Variants in WDFY4 observed in about 807,000 individuals in gnomAD.
WDFY4 encodes WD repeat- and FYVE domain-containing protein 4.
WDFY4 carries 169 observed loss-of-function variants against 351.9 expected under a neutral mutation model. That is an observed-to-expected ratio of 0.48 (90% CI 0.42 to 0.55). The LOEUF is 0.55. Ranked by LOEUF, WDFY4 falls within the 20% of genes least tolerant of loss-of-function variation. The pLI is 0.00. For synonymous variants in WDFY4, 1,622 were observed against 1,574.6 expected (o/e 1.03, Z -0.71); for missense variants, 3,803 against 3,935.6 (o/e 0.97, Z 0.90).
At chr10:48,938,670 C>A (rs1452663528) in intron 47 of WDFY4, among the ~76,000 whole-genome samples, 1 of 152,156 alleles carries the variant, frequency 6.6e-6, no homozygotes, top group Non-Finnish European at 1.5e-5. Flanking sequence ...GTAGGGAAGG[C>A]CCTAAGGCCA....
intron 23 of WDFY4, among the ~76,000 whole-genome samples, chr10:48,794,006 C>T (rs906382267): frequency 4.6e-5 from 7 of 152,118 alleles, no homozygotes; most frequent in Non-Finnish European, 8.8e-5. Flanking sequence ...AACATTAAAA[C>T]ACTTCCAGGA....
At chr10:48,722,896 C>T (rs2064139352) in intron 4 of WDFY4, among the ~76,000 whole-genome samples, 1 of 152,192 alleles carries the variant, frequency 6.6e-6, no homozygotes, top group Non-Finnish European at 1.5e-5. Context: ...TGCTGGCTGT[C>T]TGATTGTCAG....
At chr10:48,850,968 T>C (rs1052030379) in intron 39 of WDFY4, among the ~76,000 whole-genome samples, 2 of 152,248 alleles carry the variant, frequency 1.3e-5, no homozygotes, top group African/African-American at 4.8e-5. Context: ...TAGGCAAATA[T>C]ACACAGATTT....
intron 39 of WDFY4, among the ~76,000 whole-genome samples, chr10:48,864,571 G>A (rs1309278423): frequency 6.6e-6 from 1 of 152,122 alleles, no homozygotes; most frequent in East Asian, 1.9e-4. Flanking sequence ...GAGGTCCCTT[G>A]TAATTTCATA....
rs1464224086 is a variant in WDFY4 at position 48,970,202 on chromosome 10, G to A, written c.8841G>A (p.Thr2947=). ...CLCAVCPSPT[T]IVTSGTSTVV... The stretch of plus-strand genomic sequence containing the variant: ...GCGCCGTGTGCCCATCCCCAACAAC[G>A]ATTGTCACCTCTGGGACCAGCACTG... The change falls in exon 57 of 62, where the codon ACG becomes ACA. Residue 2947 remains threonine (T), a synonymous_variant. Coordinates refer to ENST00000325239, the MANE Select transcript of WDFY4 (RefSeq NM_001394531.1). 5.8e-6 allele frequency: 9 copies of A among 1,551,608 alleles called. No homozygotes were observed. The highest frequency in any genetic ancestry group is 4.9e-5 in the East Asian group (2 of 40,934).
intron 58 of WDFY4, 195 bp from the exon 59 acceptor site, chr10:48,976,602 A>T: frequency 2.4e-6 from 1 of 419,018 alleles, no homozygotes; most frequent in Non-Finnish European, 4.1e-6. Flanking sequence ...CAGTATGAAA[A>T]GAACCAAGAA....
At chr10:48,919,983 T>G (rs1436543926) in intron 47 of WDFY4, among the ~76,000 whole-genome samples, 1 of 152,182 alleles carries the variant, frequency 6.6e-6, no homozygotes, top group Non-Finnish European at 1.5e-5. Flanking sequence ...ATATTCTTCA[T>G]GAACATAGTT....
chr10:48,904,910 G>A (rs927265674), intron 47 of WDFY4, among the ~76,000 whole-genome samples: 6 of 152,212 alleles, frequency 3.9e-5, no homozygotes, highest in African/African-American at 7.2e-5. Flanking sequence ...CCACAAGGGG[G>A]TGAGCACTAA....
At chr10:48,898,372 C>T (rs903712657) in intron 45 of WDFY4, among the ~76,000 whole-genome samples, 1 of 152,164 alleles carries the variant, frequency 6.6e-6, no homozygotes, top group Non-Finnish European at 1.5e-5. Context: ...CCTGGGCCTC[C>T]AGGGCAGCTG....
At chr10:48,791,262 A>G (rs558258416) in intron 23 of WDFY4, among the ~76,000 whole-genome samples, 211 of 152,320 alleles carry the variant, frequency 1.4e-3, no homozygotes, top group Admixed American at 2.2e-3. Context: ...TTTAAATCCT[A>G]TCTCTTCTAA....
At chr10:48,956,052 C>T (rs959951638) in intron 51 of WDFY4, among the ~76,000 whole-genome samples, 1 of 152,230 alleles carries the variant, frequency 6.6e-6, no homozygotes, top group Non-Finnish European at 1.5e-5. Flanking sequence ...CCCTCCACCC[C>T]CAGCACCTTC....
chr10:48,760,239 G>A (rs2065460546), intron 12 of WDFY4, 108 bp from the exon 13 acceptor site: 2 of 987,090 alleles, frequency 2.0e-6, no homozygotes, highest in African/African-American at 1.6e-5. Flanking sequence ...TAATAAGACA[G>A]GATGTGTACC....
intron 47 of WDFY4, among the ~76,000 whole-genome samples, chr10:48,916,927 T>C (rs1444952465): frequency 6.6e-6 from 1 of 151,878 alleles, no homozygotes; most frequent in Non-Finnish European, 1.5e-5. Context: ...ATGTGCTGCA[T>C]AATGATGTTT....
At chr10:48,913,283 A>C in intron 47 of WDFY4, 4 of 1,039,026 alleles carry the variant, frequency 3.8e-6, no homozygotes, top group Non-Finnish European at 5.6e-6. Context: ...CTTGGCTGAA[A>C]GAGCTGCTGC....
chr10:48,695,755 G>A (rs545940294), intron 1 of WDFY4, among the ~76,000 whole-genome samples: 1 of 152,046 alleles, frequency 6.6e-6, no homozygotes, highest in South Asian at 2.1e-4. Flanking sequence ...TCCAACTCAG[G>A]TCTTTGTCCC....
At chr10:48,850,906 A>G (rs1162325581) in intron 39 of WDFY4, among the ~76,000 whole-genome samples, 4 of 152,216 alleles carry the variant, frequency 2.6e-5, no homozygotes, top group African/African-American at 9.6e-5. Flanking sequence ...GAAATATTTG[A>G]CAAACAATAC....
At chr10:48,722,120 C>T (rs1449812078) in intron 4 of WDFY4, among the ~76,000 whole-genome samples, 1 of 152,174 alleles carries the variant, frequency 6.6e-6, no homozygotes, top group African/African-American at 2.4e-5. Context: ...GCATTTGCAG[C>T]CGTGCTTGGA....
intron 44 of WDFY4, among the ~76,000 whole-genome samples, chr10:48,896,427 C>T (rs528533233): frequency 3.3e-5 from 5 of 152,122 alleles, no homozygotes; most frequent in African/African-American, 7.2e-5. Flanking sequence ...TCAGGGCTGC[C>T]GAAGATGTCA....
At chr10:48,819,556 T>C (rs2067742142) in intron 32 of WDFY4, among the ~76,000 whole-genome samples, 1 of 152,134 alleles carries the variant, frequency 6.6e-6, no homozygotes, top group African/African-American at 2.4e-5. Context: ...CGCGTGTCCT[T>C]GGGTGAGTCA....
Sources: gnomAD v4.1 joint callset for allele counts (sites outside exome capture counted in the v4.1 genomes callset) on GRCh38, gnomAD v4.1.1 for gene constraint, MANE v1.5 for transcripts, NCBI Gene and HGNC (gene_info 2026-07-23, HGNC 2026-07-21) for gene names.